MYO1E: variants seen among roughly 807,000 people sequenced by gnomAD.
MYO1E encodes myosin IE.
In MYO1E, 68 loss-of-function variants were observed where a neutral mutation model predicts 151.1. That is an observed-to-expected ratio of 0.45 (90% confidence interval 0.37 to 0.55). The LOEUF is 0.55. Ranked by LOEUF, MYO1E falls within the 20% of genes least tolerant of loss-of-function variation. The pLI is 0.00. For missense variants in MYO1E, 1,363 were observed against 1,389.3 expected (o/e 0.98, Z 0.30); for synonymous variants, 601 against 501.7 (o/e 1.20, Z -2.64).
chr15:59,238,966 G>C (rs1456027205), intron 4 of MYO1E, among the ~76,000 whole-genome samples: 1 of 151,466 alleles, frequency 6.6e-6, no homozygotes, highest in Non-Finnish European at 1.5e-5. Context: ...AGCACTTTGG[G>C]AGGCCAAGGT....
rs555803833 is a variant in MYO1E, at chr15:59,222,531, C to T, written c.910+528G>A. ...TAAAAGTGATCATCAGAAATGTCAA[C>T]ACAACAGTCAATGTCCATCTTTTTC... On this transcript the variant is annotated intron_variant, in intron 9 of 27. Coordinates refer to ENST00000288235, the MANE Select transcript of MYO1E (RefSeq NM_004998.4). Among the ~76,000 whole-genome samples the T allele has an allele frequency of 5.9e-5, 9 of 152,256 alleles. No homozygotes were observed. The East Asian group carries it at 1.7e-3, about 29-fold the overall frequency.
rs781328161 is a variant in MYO1E at position 59,136,148 on chromosome 15, G to A, written c.*1232C>T. 1 of 152,476 alleles carries A rather than the reference G, an allele frequency of 6.6e-6. No individual in the cohort carries two copies. Among genetic ancestry groups the A allele is most frequent in the Non-Finnish European group, 1.5e-5 (1 of 68,282 alleles). 9.4% of individuals were successfully genotyped at this position (152,476 alleles called of 1,614,324 possible). A position where few individuals can be genotyped will look rare whatever the true frequency, so the allele number is the denominator to read the frequency against. ...CACATGGTCTTTCCTCTGGCATGTT[G>A]GTCTCTGTGTCCAAATTTCCCCTTT... On this transcript the variant is annotated 3_prime_UTR_variant, in exon 28 of 28. Transcript: ENST00000288235.
At chr15:59,268,390 A>G (rs1313789499) in intron 2 of MYO1E, among the ~76,000 whole-genome samples, 1 of 152,174 alleles carries the variant, frequency 6.6e-6, no homozygotes, top group African/African-American at 2.4e-5. Context: ...CCTTGGTAGA[A>G]CACACGATTA....
chr15:59,319,281 A>G (rs1445064872), intron 1 of MYO1E, among the ~76,000 whole-genome samples: 2 of 152,254 alleles, frequency 1.3e-5, no homozygotes, highest in Non-Finnish European at 2.9e-5. Flanking sequence ...ACTGCACTCT[A>G]GCCTGGGCAA....
At position 59,217,962 on chromosome 15, in the gene MYO1E, C is replaced by G. The variant is rs144731469; in HGVS notation, c.1036G>C (p.Glu346Gln). 1.8e-4 allele frequency: 294 copies of G among 1,614,134 alleles called. No individual in the cohort carries two copies. Among genetic ancestry groups the G allele is most frequent in the Non-Finnish European group, 2.4e-4 (283 of 1,180,050 alleles). Residue 346 changes from glutamate (E) to glutamine (Q), a missense_variant, in exon 10 of 28, where the codon GAG becomes CAG. By Grantham distance (29) the Glu-to-Gln change is conservative. Coordinates refer to ENST00000288235, the MANE Select transcript of MYO1E (RefSeq NM_004998.4). ...GCATCCCGGGTGTAACAGGCCTGCT[C>G]TACGTTGAGGGTCACGTGGATGGAT... ...SESIHVTLNV[E>Q]QACYTRDALA... is the part of the protein sequence containing the mutation.
intron 1 of MYO1E, among the ~76,000 whole-genome samples, chr15:59,276,954 T>A (rs918239783): frequency 4.6e-5 from 7 of 152,210 alleles, no homozygotes; most frequent in African/African-American, 9.6e-5. Flanking sequence ...ACTTCATTAG[T>A]GTCCCAGGGA....
chr15:59,151,061 G>GCA lies in MYO1E; in HGVS notation c.3080+2527_3080+2528dup, dbSNP rs762671348. ...CACACACACACACACGCGCGCGCGC[G>GCA]CACGTGCACTTAGAGAGAGGTCTAC... On this transcript the variant is annotated intron_variant, in intron 26 of 27. Transcript: ENST00000288235. 3.4e-5 allele frequency among the ~76,000 whole-genome samples: 5 copies of GCA among 148,628 alleles called. 1 individual carries two copies. The highest frequency in any genetic ancestry group is 2.0e-4 in the East Asian group (1 of 5,070).
At chr15:59,257,386 T>C (rs1400577092) in intron 3 of MYO1E, among the ~76,000 whole-genome samples, 4 of 152,190 alleles carry the variant, frequency 2.6e-5, no homozygotes, top group Non-Finnish European at 5.9e-5. Flanking sequence ...GAGGACAGCT[T>C]GAGTCCAGGA....
intron 22 of MYO1E, among the ~76,000 whole-genome samples, chr15:59,170,595 AAAC>A (rs1412184958): frequency 5.3e-5 from 8 of 152,072 alleles, no homozygotes; most frequent in African/African-American, 1.9e-4. Context: ...TTTAAAAAAA[AAAC>A]AAAAAAAACA....
chr15:59,211,229 C>T (rs1312485233), intron 12 of MYO1E, among the ~76,000 whole-genome samples: 1 of 151,372 alleles, frequency 6.6e-6, no homozygotes, highest in African/African-American at 2.4e-5. Context: ...GAATATAGGA[C>T]AGGAGTACAG....
At chr15:59,308,714 C>T (rs1016143391) in intron 1 of MYO1E, among the ~76,000 whole-genome samples, 5 of 137,326 alleles carry the variant, frequency 3.6e-5, no homozygotes, top group African/African-American at 7.9e-5. Context: ...TGGCAGGTGC[C>T]CCTAATCCCA....
At chr15:59,178,797 C>A (rs929723055) in intron 18 of MYO1E, among the ~76,000 whole-genome samples, 5 of 152,226 alleles carry the variant, frequency 3.3e-5, no homozygotes, top group Non-Finnish European at 5.9e-5. Context: ...TGAAAACCTG[C>A]GTACTCTTTC....
At chr15:59,233,037 A>C (rs1425549178) in intron 5 of MYO1E, among the ~76,000 whole-genome samples, 1 of 151,508 alleles carries the variant, frequency 6.6e-6, no homozygotes, top group Admixed American at 6.6e-5. Flanking sequence ...TCTTTTAAAA[A>C]CTCATGGATT....
intron 4 of MYO1E, among the ~76,000 whole-genome samples, chr15:59,248,058 G>A (rs1455311260): frequency 7.7e-6 from 1 of 130,392 alleles, no homozygotes; most frequent in African/African-American, 3.0e-5. Context: ...AACCCAGGAA[G>A]CACAGGTTGT....
chr15:59,183,778 ATTCT>A (rs2079679190), intron 18 of MYO1E, among the ~76,000 whole-genome samples: 1 of 152,052 alleles, frequency 6.6e-6, no homozygotes. Flanking sequence ...GGTCTTACTC[ATTCT>A]TTCTATTTTT....
At chr15:59,226,133 A>C (rs1260361406) in intron 7 of MYO1E, among the ~76,000 whole-genome samples, 3 of 152,202 alleles carry the variant, frequency 2.0e-5, no homozygotes, top group Non-Finnish European at 1.5e-5. Flanking sequence ...TGAAATATAT[A>C]ATTATTTTTC....
chr15:59,173,779 T>A lies in MYO1E; in HGVS notation c.2301A>T (p.Ala767=). 1 of 1,614,194 alleles carries A rather than the reference T, an allele frequency of 6.2e-7. No individual in the cohort carries two copies. The highest frequency in any genetic ancestry group is 8.5e-7 in the Non-Finnish European group (1 of 1,180,028). Residue 767 remains alanine (A), a synonymous_variant, in exon 21 of 28, where the codon GCA becomes GCT. Coordinates refer to ENST00000288235, the MANE Select transcript of MYO1E (RefSeq NM_004998.4). ...TCCTGTCATACTTGGTGACTGTGTC[T>A]GCGAAATCAATCTTCTCCCTCTTGC... ...FVGKREKIDF[A]DTVTKYDRRF...
At chr15:59,360,198 C>T (rs549306789) in intron 1 of MYO1E, among the ~76,000 whole-genome samples, 1 of 152,222 alleles carries the variant, frequency 6.6e-6, no homozygotes, top group African/African-American at 2.4e-5. Flanking sequence ...TTTTTCACGT[C>T]CTGTACAAGT....
At position 59,218,837 on chromosome 15, in the gene MYO1E, T is replaced by C. The variant is rs1337491743; in HGVS notation, c.911-750A>G. ...TGCAGATGCAGAGAGGAGAAGGGAG[T>C]GTACCAAGGGGAGGAAGCAGAAGTG... On this transcript the variant is annotated intron_variant, in intron 9 of 27. Coordinates refer to ENST00000288235, the MANE Select transcript of MYO1E (RefSeq NM_004998.4). Among the ~76,000 whole-genome samples, 3 of 151,546 alleles carry C rather than the reference T, an allele frequency of 2.0e-5. No individual in the cohort carries two copies. In the East Asian group the frequency reaches 5.8e-4, roughly 29 times the overall value.
Sources: allele counts gnomAD v4.1 joint callset (sites outside exome capture counted in the v4.1 genomes callset), GRCh38; gene constraint gnomAD v4.1.1; transcripts MANE v1.5; gene names NCBI Gene and HGNC (gene_info 2026-07-23, HGNC 2026-07-21).